The following DYSF variants were observed in gnomAD, a reference collection of about 807,000 sequenced individuals.
The protein encoded by DYSF is dysferlin.
In DYSF, 212 loss-of-function variants were observed where a neutral mutation model predicts 274.9. The observed-to-expected ratio is 0.77, with a 90% confidence interval of 0.69 to 0.86. DYSF has a LOEUF of 0.86. Among genes scored for constraint, DYSF ranks in the 40% least tolerant of loss-of-function variants. The probability of loss-of-function intolerance (pLI) is 0.00; values close to 1 mark genes in which losing one functional copy is unlikely to be tolerated. For synonymous variants in DYSF, 1,091 were observed against 1,078.7 expected, an observed-to-expected ratio of 1.01 and a Z score of -0.22; for missense variants, 2,666 against 2,783.2, an observed-to-expected ratio of 0.96 and a Z score of 0.95.
intron 1 of DYSF, among the ~76,000 whole-genome samples, chr2:71,459,631 G>A (rs2081204237): frequency 6.6e-6 from 1 of 152,130 alleles, no homozygotes; most frequent in African/African-American, 2.4e-5. Flanking sequence ...TAATATTTAA[G>A]GTACAATTTT....
Position 71,668,830 on chromosome 2 carries a change from G to A in DYSF, c.5534G>A (p.Arg1845Gln), listed in dbSNP as rs533781748. 4.6e-5 allele frequency: 74 copies of A among 1,613,320 alleles called. No individual in the cohort carries two copies. In the South Asian group the frequency reaches 4.9e-4, roughly 11 times the overall value. ...RPGPPFNITP[R>Q]RARRFFLRCI... ...GGACCTCCCTTCAACATCACCCCAC[G>A]GAGAGCCAGAAGGTGACTTGCCCAG... Residue 1845 changes from arginine (R) to glutamine (Q), a missense_variant, in exon 49 of 56, where the codon CGG becomes CAG. Around this residue, in one of 3 missense-constraint regions of DYSF, gnomAD observed 1,460 missense variants for 1,502.1 expected, o/e 0.97. Coordinates refer to ENST00000410020, the MANE Select transcript of DYSF (RefSeq NM_001130987.2).
chr2:71,470,757 CTTCCTTCCTTCCTTCCTTCCTTCCTTCA>C (rs1186477977), intron 1 of DYSF, among the ~76,000 whole-genome samples: 5 of 144,186 alleles, frequency 3.5e-5, no homozygotes, highest in African/African-American at 1.0e-4. Context: ...TCCTTCCTTC[CTTCCTTCCTTCCTTCCTTCCTTCCTTCA>C]TTCCTTCCTT....
At chr2:71,532,512 G>C (rs1266641640) in intron 14 of DYSF, among the ~76,000 whole-genome samples, 1 of 152,220 alleles carries the variant, frequency 6.6e-6, no homozygotes, top group Non-Finnish European at 1.5e-5. Context: ...CAGGATGGGG[G>C]AAGGCTGGCA....
intron 41 of DYSF, among the ~76,000 whole-genome samples, chr2:71,640,814 C>T (rs1394644363): frequency 6.6e-6 from 1 of 151,756 alleles, no homozygotes; most frequent in African/African-American, 2.4e-5. Flanking sequence ...TAAAAACTTT[C>T]ATCTTTTTCT....
At chr2:71,627,911 T>C (rs2094237563) in intron 41 of DYSF, among the ~76,000 whole-genome samples, 2 of 152,140 alleles carry the variant, frequency 1.3e-5, no homozygotes, top group Admixed American at 1.3e-4. Context: ...CAGCTTTCTT[T>C]TGGTTAGTAT....
chr2:71,620,844 T>C (rs1268410447), intron 41 of DYSF, among the ~76,000 whole-genome samples: 2 of 152,052 alleles, frequency 1.3e-5, no homozygotes, highest in African/African-American at 4.8e-5. Context: ...TTACCTTATT[T>C]ACCTGTGTGA....
Position 71,660,619 on chromosome 2 carries a change from C to T in DYSF, c.4971C>T (p.Tyr1657=), listed in dbSNP as rs574456615. The T allele has an allele frequency of 2.5e-6, 4 of 1,614,164 alleles. No individual in the cohort carries two copies. The highest frequency in any genetic ancestry group is 3.4e-6 in the Non-Finnish European group (4 of 1,179,974). ...GKKSVSDQDN[Y]IPCTLEPVFG... is the part of the protein sequence containing the mutation. Reference sequence around the variant, plus strand: ...AATCAGTGAGTGACCAGGATAACTACATCCCCTGCACGCTGGAGCCCGTAT... The same window carrying T: ...AATCAGTGAGTGACCAGGATAACTATATCCCCTGCACGCTGGAGCCCGTAT... The change falls in exon 45 of 56, where the codon TAC becomes TAT. Residue 1657 remains tyrosine (Y), a synonymous_variant. Transcript: ENST00000410020.
chr2:71,537,129 A>G (rs916645666), intron 16 of DYSF, among the ~76,000 whole-genome samples: 6 of 151,710 alleles, frequency 4.0e-5, no homozygotes, highest in Non-Finnish European at 5.9e-5. Flanking sequence ...GGGTTTGGTC[A>G]TGAAGACTGG....
chr2:71,526,983 G>A (rs907082452), intron 13 of DYSF, among the ~76,000 whole-genome samples: 2 of 152,234 alleles, frequency 1.3e-5, no homozygotes, highest in Non-Finnish European at 2.9e-5. Flanking sequence ...GTTTCTCACA[G>A]TGGTTGGCCC....
chr2:71,580,571 C>A (rs568331198), intron 30 of DYSF, among the ~76,000 whole-genome samples: 1 of 152,096 alleles, frequency 6.6e-6, no homozygotes. Flanking sequence ...CTGGGAGGTG[C>A]GAGGGGTTTA....
At chr2:71,551,779 CTGGGA>C in intron 19 of DYSF, 59 bp downstream of exon 19, 3 of 1,411,876 alleles carry the variant, frequency 2.1e-6, no homozygotes, top group Non-Finnish European at 2.9e-6. Context: ...GATGGCCAGG[CTGGGA>C]CTGGCCTTGA....
chr2:71,573,164 G>A (rs1263608368), intron 29 of DYSF, among the ~76,000 whole-genome samples: 6 of 152,200 alleles, frequency 3.9e-5, no homozygotes, highest in South Asian at 2.1e-4. Flanking sequence ...CTTTCTCCTT[G>A]GGGGCAGAGA....
chr2:71,548,042 A>C (rs2090620380), intron 17 of DYSF, among the ~76,000 whole-genome samples: 1 of 152,224 alleles, frequency 6.6e-6, no homozygotes, highest in Non-Finnish European at 1.5e-5. Context: ...TCGCTGTTGC[A>C]GAAAACTCCC....
At chr2:71,472,775 C>T (rs2082130394) in intron 1 of DYSF, among the ~76,000 whole-genome samples, 1 of 152,204 alleles carries the variant, frequency 6.6e-6, no homozygotes, top group South Asian at 2.1e-4. Flanking sequence ...TTTATTCTTA[C>T]TGAATTACTT....
chr2:71,454,920 T>G (rs1177182949), intron 1 of DYSF, among the ~76,000 whole-genome samples: 1 of 152,128 alleles, frequency 6.6e-6, no homozygotes, highest in Non-Finnish European at 1.5e-5. Flanking sequence ...GTCTTTGGGC[T>G]TGGAACCATA....
At chr2:71,641,216 T>C (rs1010070989) in intron 41 of DYSF, among the ~76,000 whole-genome samples, 2 of 147,068 alleles carry the variant, frequency 1.4e-5, no homozygotes, top group Admixed American at 1.4e-4. Context: ...TCTCGCTCTG[T>C]GGCCCAGGTG....
At chr2:71,456,711 A>G (rs548173163) in intron 1 of DYSF, among the ~76,000 whole-genome samples, 1 of 152,214 alleles carries the variant, frequency 6.6e-6, no homozygotes, top group South Asian at 2.1e-4. Context: ...CCCCTTAAAG[A>G]TAAGGATATT....
intron 4 of DYSF, among the ~76,000 whole-genome samples, chr2:71,506,270 C>T (rs2085461961): frequency 6.6e-6 from 1 of 152,194 alleles, no homozygotes; most frequent in African/African-American, 2.4e-5. Context: ...AGGAGGGTCA[C>T]AGCCAGGGAG....
intron 27 of DYSF, 137 bp downstream of exon 27, chr2:71,570,071 A>G: frequency 1.8e-6 from 2 of 1,088,372 alleles, no homozygotes; most frequent in African/African-American, 1.6e-5. Flanking sequence ...TTCCAAAGGG[A>G]AAGTGTGGGG....
Sources: gnomAD v4.1 joint callset for allele counts (sites outside exome capture counted in the v4.1 genomes callset) on GRCh38, gnomAD v4.1.1 for gene constraint, gnomAD v4.1.1 regional missense constraint, MANE v1.5 for transcripts, NCBI Gene and HGNC (gene_info 2026-07-23, HGNC 2026-07-21) for gene names.